TNIK: variants seen among roughly 807,000 people sequenced by gnomAD.
The protein encoded by TNIK is TRAF2 and NCK-interacting protein kinase.
Under a neutral mutation model 191.3 loss-of-function variants are expected in TNIK, and 49 were observed. The ratio of observed to expected loss-of-function variants is 0.26; its 90% confidence interval spans 0.20 to 0.32. TNIK has a LOEUF of 0.32. Among genes scored for constraint, TNIK ranks in the 10% least tolerant of loss-of-function variants. The pLI, the probability that TNIK is intolerant of heterozygous loss-of-function variation, is 1.00. For missense variants in TNIK, 1,155 were observed against 1,702.3 expected (o/e 0.68, Z 5.66); for synonymous variants, 594 against 600.9 (o/e 0.99, Z 0.17).
intron 15 of TNIK, among the ~76,000 whole-genome samples, chr3:171,135,166 G>A (rs1357644032): frequency 6.6e-6 from 1 of 152,222 alleles, no homozygotes; most frequent in Non-Finnish European, 1.5e-5. Context: ...TGATAGTTAA[G>A]ATACTGATAA....
At position 171,125,956 on chromosome 3, in the gene TNIK, C is replaced by G. The variant is rs768662170; in HGVS notation, c.1969G>C (p.Asp657His). ...PPLPTRIEKF[D>H]RSSWLRQEED... ...TCCTGTCGTAACCAAGAGCTTCGGTCAAACTTTTCAATGCGAGTGGGGAGA... is the reference window on the plus strand; with the variant it reads ...TCCTGTCGTAACCAAGAGCTTCGGTGAAACTTTTCAATGCGAGTGGGGAGA... Residue 657 changes from aspartate to histidine, a missense_variant, in exon 17 of 33, where the codon GAC becomes CAC. Asp to His is a moderately conservative substitution (Grantham distance 81). This residue lies in a region of TNIK where 735 missense variants were observed against 848.0 expected (regional missense o/e 0.87). Coordinates refer to ENST00000436636, the MANE Select transcript of TNIK (RefSeq NM_015028.4). 1 of 1,613,948 alleles carries G rather than the reference C, an allele frequency of 6.2e-7. No homozygotes were observed. Among genetic ancestry groups the G allele is most frequent in the African/African-American group, 1.3e-5 (1 of 75,034 alleles).
Position 171,123,600 on chromosome 3 carries a change from C to A in TNIK, c.2116G>T (p.Ala706Ser). The change falls in exon 18 of 33, where the codon GCA (alanine) becomes TCA (serine). Residue 706 changes from alanine to serine, a missense_variant. Ala to Ser is a moderately conservative substitution (Grantham distance 99). Transcript: ENST00000436636. Reference protein sequence around the residue: ...GPRLGSQPIRASNPDLRRTEP... With the variant: ...GPRLGSQPIRSSNPDLRRTEP... ...ATAACCACCTTCCTTTCTTACCTTGCTCTGATGGGTTGAGATCCTAGTCTG... is the reference window on the plus strand; with the variant it reads ...ATAACCACCTTCCTTTCTTACCTTGATCTGATGGGTTGAGATCCTAGTCTG... 1 of 1,557,232 alleles carries A rather than the reference C, an allele frequency of 6.4e-7. No individual in the cohort carries two copies. Among genetic ancestry groups the A allele is most frequent in the Admixed American group, 1.9e-5 (1 of 51,764 alleles).
In TNIK at chr3:171,091,622, C is replaced by T. The variant is rs535633950; in HGVS notation, c.2721+2217G>A. On this transcript the variant is annotated intron_variant, in intron 23 of 32. Transcript: ENST00000436636. Reference sequence around the variant, plus strand: ...GCTGGGCGTGCACCCGTAGTCTCAGCTACTTGGGAGGCTGAGGCAGGGGAA... The same window carrying T: ...GCTGGGCGTGCACCCGTAGTCTCAGTTACTTGGGAGGCTGAGGCAGGGGAA... Among the ~76,000 whole-genome samples the T allele has an allele frequency of 2.2e-3, 342 of 152,110 alleles. 3 individuals are homozygous for T. The highest frequency in any genetic ancestry group is 3.8e-3 in the Non-Finnish European group (259 of 67,994).
intron 18 of TNIK, among the ~76,000 whole-genome samples, chr3:171,118,161 C>G (rs1349905420): frequency 2.0e-5 from 3 of 151,960 alleles, no homozygotes; most frequent in Non-Finnish European, 2.9e-5. Flanking sequence ...GACAGAGAGA[C>G]AAATCATGAG....
At chr3:171,161,644 C>T (rs960942233) in intron 10 of TNIK, among the ~76,000 whole-genome samples, 8 of 152,058 alleles carry the variant, frequency 5.3e-5, no homozygotes, top group African/African-American at 1.7e-4. Context: ...TTTGGCCGGG[C>T]ACGGTGGCTC....
chr3:171,402,608 T>G (rs1286256283), intron 1 of TNIK, among the ~76,000 whole-genome samples: 1 of 152,208 alleles, frequency 6.6e-6, no homozygotes, highest in Non-Finnish European at 1.5e-5. Context: ...GTCTATAATA[T>G]CCTTACATCA....
chr3:171,174,974 T>C (rs1735793281), intron 9 of TNIK, among the ~76,000 whole-genome samples: 2 of 152,232 alleles, frequency 1.3e-5, no homozygotes, highest in South Asian at 4.1e-4. Context: ...CTTGGAGTTA[T>C]AGATCAAAGA....
intron 10 of TNIK, 58 bp from the exon 11 acceptor site, chr3:171,161,394 C>G: frequency 6.7e-7 from 1 of 1,502,280 alleles, no homozygotes; most frequent in South Asian, 1.2e-5. Flanking sequence ...CAGTAAAGCC[C>G]AACCCCGTCT....
chr3:171,269,148 T>C (rs977666447), intron 2 of TNIK, among the ~76,000 whole-genome samples: 1 of 152,238 alleles, frequency 6.6e-6, no homozygotes, highest in Admixed American at 6.5e-5. Flanking sequence ...TGTTGGCTAC[T>C]TGAAAAAAAT....
chr3:171,151,588 C>T (rs1732439925), intron 12 of TNIK, among the ~76,000 whole-genome samples: 1 of 152,172 alleles, frequency 6.6e-6, no homozygotes, highest in South Asian at 2.1e-4. Context: ...TCTTGCTTTA[C>T]AGATGAGGAA....
chr3:171,335,582 T>C (rs1756876692), intron 2 of TNIK, among the ~76,000 whole-genome samples: 2 of 152,252 alleles, frequency 1.3e-5, no homozygotes, highest in Admixed American at 1.3e-4. Context: ...TCATTCATGC[T>C]GTTGCATGTA....
intron 17 of TNIK, 75 bp downstream of exon 17, chr3:171,125,837 G>C: frequency 6.4e-7 from 1 of 1,562,764 alleles, no homozygotes; most frequent in Non-Finnish European, 8.7e-7. Flanking sequence ...CCACTACTAC[G>C]AAAGGTCTGG....
At chr3:171,382,506 C>G (rs1718180742) in intron 1 of TNIK, among the ~76,000 whole-genome samples, 1 of 152,188 alleles carries the variant, frequency 6.6e-6, no homozygotes, top group Non-Finnish European at 1.5e-5. Flanking sequence ...TAGGCATGAG[C>G]CACCGTGCCC....
chr3:171,157,424 G>A (rs1459912486), intron 12 of TNIK, 36 bp downstream of exon 12: 5 of 1,548,102 alleles, frequency 3.2e-6, no homozygotes, highest in East Asian at 2.4e-5. Context: ...ACAACTGAGA[G>A]GCTTGGGGTC....
intron 2 of TNIK, among the ~76,000 whole-genome samples, chr3:171,282,334 G>GGTTTTTTTTTTT (rs1553878294): frequency 2.6e-5 from 3 of 114,522 alleles, no homozygotes; most frequent in Admixed American, 1.8e-4. Flanking sequence ...TCTCTTAATG[G>GGTTTTTTTTTTT]TTTTTTGTTT....
intron 2 of TNIK, among the ~76,000 whole-genome samples, chr3:171,317,655 A>C (rs1381272207): frequency 6.6e-6 from 1 of 152,168 alleles, no homozygotes; most frequent in Non-Finnish European, 1.5e-5. Context: ...AAGGGAAAGA[A>C]AGCTCTTTTC....
At chr3:171,195,601 T>C (rs1401105551) in intron 4 of TNIK, among the ~76,000 whole-genome samples, 2 of 148,850 alleles carry the variant, frequency 1.3e-5, no homozygotes, top group South Asian at 4.3e-4. Context: ...AGATACCTCA[T>C]CAGGCTCCAA....
chr3:171,367,522 T>C (rs1013543425), intron 2 of TNIK, among the ~76,000 whole-genome samples: 2 of 151,082 alleles, frequency 1.3e-5, no homozygotes, highest in Non-Finnish European at 2.9e-5. Flanking sequence ...CAGACTGGAG[T>C]GCAGTGGCAA....
At chr3:171,286,151 C>T (rs1456086727) in intron 2 of TNIK, among the ~76,000 whole-genome samples, 1 of 152,122 alleles carries the variant, frequency 6.6e-6, no homozygotes, top group Admixed American at 6.5e-5. Context: ...TCTGAATTAA[C>T]TAAAGATGGT....
Sources: gnomAD v4.1 joint callset for allele counts (sites outside exome capture counted in the v4.1 genomes callset) on GRCh38, gnomAD v4.1.1 for gene constraint, gnomAD v4.1.1 regional missense constraint, MANE v1.5 for transcripts, NCBI Gene and HGNC (gene_info 2026-07-23, HGNC 2026-07-21) for gene names.